Variants in TTC39B observed in about 807,000 individuals in gnomAD.
The protein encoded by TTC39B is tetratricopeptide repeat domain 39B, also known as tetratricopeptide repeat protein 39B.
TTC39B carries 92 observed loss-of-function variants against 96.6 expected under a neutral mutation model. The observed-to-expected ratio is 0.95, with a 90% confidence interval of 0.80 to 1.13. TTC39B has a LOEUF of 1.13. Among genes scored for constraint, TTC39B ranks in the 50% most tolerant of loss-of-function variants. The probability of loss-of-function intolerance (pLI) is 0.00; values close to 1 mark genes in which losing one functional copy is unlikely to be tolerated. For missense variants in TTC39B, 955 were observed against 809.3 expected, an observed-to-expected ratio of 1.18 and a Z score of -2.18; for synonymous variants, 367 against 299.4, an observed-to-expected ratio of 1.23 and a Z score of -2.33.
intron 17 of TTC39B, among the ~76,000 whole-genome samples, chr9:15,178,927 C>T (rs1432499464): frequency 1.3e-5 from 2 of 152,170 alleles, no homozygotes; most frequent in Non-Finnish European, 2.9e-5. Context: ...CTTATCAATT[C>T]TCCCAGGTTG....
intron 14 of TTC39B, 23 bp from the exon 15 acceptor site, chr9:15,187,058 T>C (rs1818569318): frequency 6.4e-7 from 1 of 1,562,636 alleles, no homozygotes; most frequent in South Asian, 1.1e-5. Flanking sequence ...AAGGAGCTTA[T>C]TACAGAACAT....
chr9:15,274,789 A>AT (rs1213470932), intron 1 of TTC39B, among the ~76,000 whole-genome samples: 3 of 152,182 alleles, frequency 2.0e-5, no homozygotes, highest in Admixed American at 2.0e-4. Flanking sequence ...ATTTTTTTAG[A>AT]TTTTTTTAAT....
chr9:15,173,292 A>C (rs949197462), intron 19 of TTC39B, among the ~76,000 whole-genome samples: 1 of 152,168 alleles, frequency 6.6e-6, no homozygotes, highest in African/African-American at 2.4e-5. Flanking sequence ...ACTTGCTCTC[A>C]TATCACCTAT....
At chr9:15,232,473 ATGT>A (rs1228131530) in intron 2 of TTC39B, 1 of 152,212 alleles carries the variant, frequency 6.6e-6, no homozygotes, top group Admixed American at 6.5e-5. Flanking sequence ...AAAAATCTAA[ATGT>A]TGTGACATCA....
At chr9:15,241,592 A>G (rs1170384737) in intron 2 of TTC39B, among the ~76,000 whole-genome samples, 4 of 152,168 alleles carry the variant, frequency 2.6e-5, no homozygotes, top group Non-Finnish European at 4.4e-5. Flanking sequence ...GATGTGACTT[A>G]AAAACATTGT....
intron 1 of TTC39B, among the ~76,000 whole-genome samples, chr9:15,286,991 G>C (rs148704009): frequency 3.2e-4 from 49 of 151,884 alleles, no homozygotes; most frequent in Admixed American, 7.2e-4. Context: ...ATTCTGTTTT[G>C]TCAAGGAATC....
chr9:15,214,201 A>T lies in TTC39B; in HGVS notation c.420T>A (p.Ala140=), dbSNP rs766736490. ...TGCTTAGAAATAAGTTCAATGCCAC[A>T]GCACATTCTTCGAGGCCACTCTTGA... Residue 140 remains alanine, a synonymous_variant, in exon 4 of 20, where the codon GCT becomes GCA. Coordinates refer to ENST00000512701, the Ensembl canonical transcript of TTC39B. 1.9e-6 allele frequency: 3 copies of T among 1,614,158 alleles called. No homozygotes were observed. In the South Asian group the frequency reaches 3.3e-5, roughly 18 times the overall value.
At chr9:15,189,471 C>A in intron 13 of TTC39B, 103 bp downstream of exon 13, 1 of 1,214,268 alleles carries the variant, frequency 8.2e-7, no homozygotes, top group Non-Finnish European at 1.2e-6. Flanking sequence ...TTGTCTAGTC[C>A]ATATAGCCAA....
chr9:15,279,660 T>C (rs1452380469), intron 1 of TTC39B, among the ~76,000 whole-genome samples: 1 of 152,154 alleles, frequency 6.6e-6, no homozygotes, highest in African/African-American at 2.4e-5. Flanking sequence ...GCCTTGAATC[T>C]CCTAAAGGTA....
At chr9:15,203,560 CT>C (rs1469622294) in intron 7 of TTC39B, among the ~76,000 whole-genome samples, 1 of 152,064 alleles carries the variant, frequency 6.6e-6, no homozygotes, top group Non-Finnish European at 1.5e-5. Context: ...CCTGCCTGGC[CT>C]AAAGTTTCTT....
chr9:15,296,571 T>C (rs1481259250), intron 1 of TTC39B, among the ~76,000 whole-genome samples: 1 of 152,210 alleles, frequency 6.6e-6, no homozygotes, highest in Non-Finnish European at 1.5e-5. Flanking sequence ...CTCGGCTCAC[T>C]GCAATCTCCG....
intron 1 of TTC39B, among the ~76,000 whole-genome samples, chr9:15,273,487 C>T (rs1414393315): frequency 3.9e-5 from 6 of 152,134 alleles, no homozygotes; most frequent in South Asian, 4.1e-4. Flanking sequence ...CCTCCTCCTC[C>T]GCGTTCCTCC....
At chr9:15,220,247 AG>A (rs1820771456) in intron 3 of TTC39B, among the ~76,000 whole-genome samples, 1 of 152,286 alleles carries the variant, frequency 6.6e-6, no homozygotes, top group African/African-American at 2.4e-5. Flanking sequence ...CTCCATGGCA[AG>A]AAGTCTCAGG....
chr9:15,179,486 C>A (rs1410269111), intron 17 of TTC39B, among the ~76,000 whole-genome samples: 1 of 152,180 alleles, frequency 6.6e-6, no homozygotes, highest in African/African-American at 2.4e-5. Context: ...CTTTCAAGCT[C>A]TGATAGGTCA....
At chr9:15,198,880 A>G (rs1002174512) in intron 8 of TTC39B, among the ~76,000 whole-genome samples, 1 of 152,250 alleles carries the variant, frequency 6.6e-6, no homozygotes, top group Admixed American at 6.5e-5. Flanking sequence ...AATTATAAAA[A>G]GCATGAGTGC....
rs75576241 is a variant in TTC39B at position 15,212,064 on chromosome 9, T to G, written c.483-667A>C. 7.0e-3 allele frequency among the ~76,000 whole-genome samples: 1,072 copies of G among 152,372 alleles called. 30 individuals are homozygous for G. The East Asian group carries it at 0.092, about 13-fold the overall frequency. ...GGCAGACATCCAGATTCTCGGGCTA[T>G]GAGAACATCATTTATTTTCTCAAAA... On this transcript the variant is annotated intron_variant, in intron 4 of 19. Coordinates refer to ENST00000512701, the Ensembl canonical transcript of TTC39B.
intron 2 of TTC39B, among the ~76,000 whole-genome samples, chr9:15,233,227 C>T (rs570810811): frequency 4.6e-5 from 7 of 152,290 alleles, no homozygotes; most frequent in Non-Finnish European, 1.0e-4. Flanking sequence ...GTTCGAGAAG[C>T]ATGGCCAACA....
At chr9:15,293,222 A>G (rs1824251011) in intron 1 of TTC39B, among the ~76,000 whole-genome samples, 1 of 152,228 alleles carries the variant, frequency 6.6e-6, no homozygotes, top group Non-Finnish European at 1.5e-5. Context: ...GCAATAGGCC[A>G]TGCCAGAGAG....
At chr9:15,249,162 G>C (rs529901134) in intron 2 of TTC39B, 6 of 152,206 alleles carry the variant, frequency 3.9e-5, no homozygotes, top group Non-Finnish European at 8.8e-5. Flanking sequence ...AATTCAGCAA[G>C]GATACAATTC....
Sources: gnomAD v4.1 joint callset for allele counts (sites outside exome capture counted in the v4.1 genomes callset) on GRCh38, gnomAD v4.1.1 for gene constraint, MANE v1.5 for transcripts, NCBI Gene and HGNC (gene_info 2026-07-23, HGNC 2026-07-21) for gene names.